Variants in BNC2 observed in about 807,000 individuals in gnomAD.
The protein encoded by BNC2 is basonuclin zinc finger protein 2, also known as zinc finger protein basonuclin-2.
A neutral mutation model predicts 76.3 loss-of-function variants in BNC2; 20 were observed. The ratio of observed to expected loss-of-function variants is 0.26; its 90% CI spans 0.18 to 0.38. The LOEUF (loss-of-function observed/expected upper bound fraction) is 0.38, where lower values mean the gene tolerates loss of function less well. BNC2 is among the 10% of genes least tolerant of loss of function. The pLI is 1.00. For missense variants in BNC2, 1,382 were observed against 1,399.8 expected (o/e 0.99, Z 0.20); for synonymous variants, 582 against 514.8 (o/e 1.13, Z -1.77).
chr9:16,557,111 T>C (rs1228947286), intron 4 of BNC2, among the ~76,000 whole-genome samples: 1 of 152,126 alleles, frequency 6.6e-6, no homozygotes, highest in Non-Finnish European at 1.5e-5. Flanking sequence ...CAAGAACTCA[T>C]TTATCAGGAT....
At position 16,533,032 on chromosome 9, in the gene BNC2, A is replaced by C. The variant is rs556446721; in HGVS notation, c.669+19498T>G. Among the ~76,000 whole-genome samples, 4 of 152,362 alleles carry C rather than the reference A, an allele frequency of 2.6e-5. No individual in the cohort carries two copies. The South Asian group carries it at 8.3e-4, about 32-fold the overall frequency. ...AATTACTGTCTAGTTTCAAAACTTA[A>C]GACTTTATTTGTAAATATACACTCA... On this transcript the variant is annotated intron_variant, in intron 5 of 6. Coordinates refer to ENST00000380672, the MANE Select transcript of BNC2 (RefSeq NM_017637.6).
chr9:16,775,945 G>C (rs1286081116), intron 1 of BNC2: 2 of 152,124 alleles, frequency 1.3e-5, no homozygotes, highest in Non-Finnish European at 2.9e-5. Flanking sequence ...GCGGCGGTGG[G>C]CCACTGTGTC....
intron 3 of BNC2, among the ~76,000 whole-genome samples, chr9:16,660,179 G>A (rs1587285097): frequency 1.3e-5 from 2 of 152,234 alleles, no homozygotes; most frequent in East Asian, 1.9e-4. Flanking sequence ...TTGGGGCCGG[G>A]CGCGGTGGCT....
chr9:16,852,440 A>G (rs749414725), intron 1 of BNC2, among the ~76,000 whole-genome samples: 5 of 152,208 alleles, frequency 3.3e-5, no homozygotes, highest in Non-Finnish European at 2.9e-5. Flanking sequence ...TTTGATAACT[A>G]TTGATAAAGA....
chr9:16,842,820 C>T (rs1007989304), intron 1 of BNC2, among the ~76,000 whole-genome samples: 1 of 152,062 alleles, frequency 6.6e-6, no homozygotes, highest in East Asian at 1.9e-4. Flanking sequence ...AGTGCCATCT[C>T]GGCTCACTGC....
intron 1 of BNC2, among the ~76,000 whole-genome samples, chr9:16,846,134 C>T (rs575499148): frequency 1.5e-4 from 19 of 122,762 alleles, no homozygotes; most frequent in African/African-American, 6.0e-4. Flanking sequence ...AGCGAGACAC[C>T]GTCTCAAAAA....
At chr9:16,836,141 C>G (rs915118741) in intron 1 of BNC2, among the ~76,000 whole-genome samples, 2 of 152,190 alleles carry the variant, frequency 1.3e-5, no homozygotes, top group Admixed American at 6.5e-5. Context: ...CACAGCAAGA[C>G]GGTCCTGCTA....
At chr9:16,862,684 C>G (rs1819440533) in intron 1 of BNC2, among the ~76,000 whole-genome samples, 1 of 152,132 alleles carries the variant, frequency 6.6e-6, no homozygotes, top group African/African-American at 2.4e-5. Flanking sequence ...CAGCACTAAC[C>G]TATTTTGTTC....
chr9:16,688,010 G>C (rs1310353977), intron 3 of BNC2, among the ~76,000 whole-genome samples: 4 of 152,098 alleles, frequency 2.6e-5, no homozygotes, highest in Non-Finnish European at 5.9e-5. Context: ...TTCAAACTTA[G>C]AGTGCTAGGA....
intron 5 of BNC2, among the ~76,000 whole-genome samples, chr9:16,443,532 T>C (rs1206565444): frequency 1.4e-5 from 2 of 147,020 alleles, no homozygotes; most frequent in East Asian, 1.9e-4. Flanking sequence ...GAAACAGTAA[T>C]TGCTGAATTA....
intron 5 of BNC2, among the ~76,000 whole-genome samples, chr9:16,548,609 T>C (rs377370127): frequency 1.2e-3 from 178 of 152,274 alleles, no homozygotes; most frequent in African/African-American, 4.1e-3. Flanking sequence ...TTCACCATAT[T>C]GGCCAGGCTG....
chr9:16,423,726 A>G (rs1408374200), intron 6 of BNC2, among the ~76,000 whole-genome samples: 1 of 152,218 alleles, frequency 6.6e-6, no homozygotes, highest in Non-Finnish European at 1.5e-5. Flanking sequence ...ACAAACGGTG[A>G]TCCTGACGCT....
At chr9:16,649,468 C>A (rs1361866290) in intron 3 of BNC2, among the ~76,000 whole-genome samples, 2 of 152,110 alleles carry the variant, frequency 1.3e-5, no homozygotes, top group Admixed American at 1.3e-4. Flanking sequence ...TATCACTAAA[C>A]TCAGAGGAAA....
intron 1 of BNC2, among the ~76,000 whole-genome samples, chr9:16,776,640 C>A (rs1825975440): frequency 6.6e-6 from 1 of 152,188 alleles, no homozygotes; most frequent in African/African-American, 2.4e-5. Context: ...ATGCATAATA[C>A]AAACCACTCC....
chr9:16,825,042 C>T (rs1307560066), intron 1 of BNC2, among the ~76,000 whole-genome samples: 5 of 67,014 alleles, frequency 7.5e-5, no homozygotes, highest in African/African-American at 2.2e-4. Context: ...TTTCTTACCC[C>T]TCTTTTTTTT....
At chr9:16,678,190 A>G (rs1822708744) in intron 3 of BNC2, among the ~76,000 whole-genome samples, 1 of 151,836 alleles carries the variant, frequency 6.6e-6, no homozygotes, top group East Asian at 1.9e-4. Flanking sequence ...GGGAGATAAA[A>G]TATTTTTAGC....
intron 5 of BNC2, among the ~76,000 whole-genome samples, chr9:16,524,983 G>A (rs1411285552): frequency 6.6e-6 from 1 of 151,380 alleles, no homozygotes; most frequent in Non-Finnish European, 1.5e-5. Flanking sequence ...TAAGGTGGGA[G>A]GATCACTTGA....
chr9:16,463,548 G>A (rs971765090), intron 5 of BNC2, among the ~76,000 whole-genome samples: 1 of 142,732 alleles, frequency 7.0e-6, no homozygotes, highest in Non-Finnish European at 1.5e-5. Context: ...CGCCCGCCTC[G>A]GCCTCCCAAA....
chr9:16,794,062 T>C (rs1369872720), intron 1 of BNC2, among the ~76,000 whole-genome samples: 1 of 152,002 alleles, frequency 6.6e-6, no homozygotes, highest in African/African-American at 2.4e-5. Context: ...TTGTGTGACT[T>C]AGTTATAGGT....
Sources: allele counts gnomAD v4.1 joint callset (sites outside exome capture counted in the v4.1 genomes callset), GRCh38; gene constraint gnomAD v4.1.1; transcripts MANE v1.5; gene names NCBI Gene and HGNC (gene_info 2026-07-23, HGNC 2026-07-21).